CDK11B: variants seen among roughly 807,000 people sequenced by gnomAD.
The protein encoded by CDK11B is cyclin-dependent kinase 11B.
A neutral mutation model predicts 84.0 loss-of-function variants in CDK11B; 37 were observed. The observed-to-expected ratio is 0.44, with a 90% confidence interval of 0.34 to 0.58. The LOEUF (loss-of-function observed/expected upper bound fraction) is 0.58. Among genes scored for constraint, CDK11B ranks in the 20% least tolerant of loss-of-function variants. CDK11B has a pLI of 0.02. For synonymous variants in CDK11B, 269 were observed against 309.8 expected, an observed-to-expected ratio of 0.87 and a Z score of 1.38; for missense variants, 427 against 834.0, an observed-to-expected ratio of 0.51 and a Z score of 6.01.
At chr1:1,639,929 A>C (rs1386426594) in intron 11 of CDK11B, among the ~76,000 whole-genome samples, 1 of 151,672 alleles carries the variant, frequency 6.6e-6, no homozygotes, top group African/African-American at 2.4e-5. Context: ...TGGTGCCTAC[A>C]TAACCCGCCC....
intron 4 of CDK11B, among the ~76,000 whole-genome samples, 199 bp from the exon 5 acceptor site, chr1:1,649,836 G>A (rs1229354040): frequency 8.6e-5 from 13 of 151,652 alleles, no homozygotes; most frequent in Non-Finnish European, 1.5e-4. Flanking sequence ...TTAGCTGGGC[G>A]TGGTGGCAGG....
chr1:1,637,368 C>A, intron 14 of CDK11B, 40 bp downstream of exon 14: 1 of 1,601,848 alleles, frequency 6.2e-7, no homozygotes, highest in South Asian at 1.1e-5. Flanking sequence ...GGACCCTGCC[C>A]CCACTTGTAC....
chr1:1,644,757 C>G (rs1411904244), intron 6 of CDK11B, among the ~76,000 whole-genome samples: 4 of 152,164 alleles, frequency 2.6e-5, no homozygotes, highest in African/African-American at 9.7e-5. Context: ...TTTGGGAGGC[C>G]GAGGTGGGTG....
chr1:1,657,642 T>G, intron 1 of CDK11B, 144 bp from the exon 2 acceptor site: 9 of 675,986 alleles, frequency 1.3e-5, no homozygotes, highest in Non-Finnish European at 2.1e-5. Context: ...CTCAAGACGG[T>G]AACCCTAGCA....
intron 14 of CDK11B, 44 bp from the exon 15 acceptor site, chr1:1,637,246 C>A: frequency 2.5e-6 from 4 of 1,607,056 alleles, no homozygotes; most frequent in Non-Finnish European, 3.4e-6. Context: ...CTGCCCCCAG[C>A]CCAGGGCACT....
intron 2 of CDK11B, among the ~76,000 whole-genome samples, chr1:1,656,357 G>A (rs950696552): frequency 2.2e-4 from 33 of 152,264 alleles, no homozygotes; most frequent in African/African-American, 7.9e-4. Flanking sequence ...CGAGCGTGCT[G>A]GCAGGTGCCT....
Position 1,648,986 on chromosome 1 carries a change from C to G in CDK11B, c.494+513G>C, listed in dbSNP as rs140680447. Among the ~76,000 whole-genome samples, 1,170 of 152,252 alleles carry G rather than the reference C, an allele frequency of 7.7e-3. 15 individuals are homozygous for G. The highest frequency in any genetic ancestry group is 0.026 in the African/African-American group (1,079 of 41,544). Reference sequence around the variant, plus strand: ...TGTCTTCCCTCAATCAAATCACACCCGTTCTTACTTCCAGATGCAGTGAAA... The same window carrying G: ...TGTCTTCCCTCAATCAAATCACACCGGTTCTTACTTCCAGATGCAGTGAAA... On this transcript the variant is annotated intron_variant, in intron 5 of 19. Coordinates refer to ENST00000341832, the MANE Select transcript of CDK11B (RefSeq NM_033486.3).
At chr1:1,649,960 A>C (rs1641688543) in intron 4 of CDK11B, among the ~76,000 whole-genome samples, 1 of 145,330 alleles carries the variant, frequency 6.9e-6, no homozygotes, top group South Asian at 2.2e-4. Context: ...TGGGCAAAAA[A>C]AAAAAAAAAA....
intron 6 of CDK11B, 31 bp from the exon 7 acceptor site, chr1:1,642,539 C>CT: frequency 8.0e-6 from 2 of 249,802 alleles, no homozygotes; most frequent in Non-Finnish European, 1.4e-5. Flanking sequence ...GGAGATGGCA[C>CT]TAGCAGCACT....
chr1:1,639,463 C>T (rs1639917009), intron 11 of CDK11B, among the ~76,000 whole-genome samples: 1 of 151,902 alleles, frequency 6.6e-6, no homozygotes, highest in Admixed American at 6.6e-5. Flanking sequence ...CTGGATGTGT[C>T]CCCTGCTTGT....
chr1:1,646,390 G>C, intron 5 of CDK11B: 1 of 506,696 alleles, frequency 2.0e-6, no homozygotes, highest in South Asian at 1.4e-5. Context: ...GTTGCTCTAG[G>C]GATCACCGTA....
In CDK11B at chr1:1,641,003, C is replaced by T. The variant is rs760291061; in HGVS notation, c.1075+45G>A. ...TGTCTTAGGAGAGGGCTGCTGCACT[C>T]GGAGACAGACAAGGAGGGGGCTCTG... On this transcript the variant is annotated intron_variant, in intron 10 of 19. Coordinates refer to ENST00000341832, the MANE Select transcript of CDK11B (RefSeq NM_033486.3). 63 of 1,588,846 alleles carry T rather than the reference C, an allele frequency of 4.0e-5. 1 individual carries two copies. Among genetic ancestry groups the T allele is most frequent in the South Asian group, 3.2e-4 (28 of 88,248 alleles).
chr1:1,650,397 G>A (rs1222845842), intron 4 of CDK11B, among the ~76,000 whole-genome samples: 87 of 113,272 alleles, frequency 7.7e-4, no homozygotes, highest in African/African-American at 3.1e-3. Flanking sequence ...ATGGAGTCTT[G>A]CTCTGTCGCC....
At chr1:1,656,715 G>A (rs1459763228) in intron 2 of CDK11B, among the ~76,000 whole-genome samples, 15 of 152,028 alleles carry the variant, frequency 9.9e-5, no homozygotes, top group South Asian at 2.1e-4. Flanking sequence ...GCGTGAACCC[G>A]GCCCTGGGCG....
chr1:1,639,260 T>C (rs1015381225), intron 11 of CDK11B, among the ~76,000 whole-genome samples: 5 of 151,534 alleles, frequency 3.3e-5, no homozygotes, highest in Admixed American at 1.3e-4. Flanking sequence ...TTCTACAAAA[T>C]AAAAAAATTA....
Position 1,635,830 on chromosome 1 carries a change from G to C in CDK11B, c.2283C>G (p.Gly761=). The C allele has an allele frequency of 2.9e-6, 1 of 349,806 alleles. No individual in the cohort carries two copies. Among genetic ancestry groups the C allele is most frequent in the South Asian group, 2.4e-5 (1 of 40,890 alleles). 21.7% of individuals were successfully genotyped at this position (349,806 alleles called of 1,614,324 possible). ...CCTGGTTCGTGGTGGTAAGGTGGAA[G>C]CCCGTCTCCTTCAGGTCGTCGTCAC... ...QLGDDDLKET[G]FHLTTTNQGA... Residue 761 remains glycine (G), a synonymous_variant, in exon 20 of 20, where the codon GGC becomes GGG. Coordinates refer to ENST00000341832, the MANE Select transcript of CDK11B (RefSeq NM_033486.3).
intron 3 of CDK11B, among the ~76,000 whole-genome samples, 193 bp downstream of exon 3, chr1:1,655,176 C>A (rs951665624): frequency 9.9e-5 from 15 of 151,266 alleles, no homozygotes; most frequent in Non-Finnish European, 1.5e-4. Flanking sequence ...TCTGGAGGGC[C>A]ACAGACAACA....
At position 1,638,028 on chromosome 1, in the gene CDK11B, C is replaced by A. The variant is rs1639646819; in HGVS notation, c.1343-145G>T. The A allele has an allele frequency of 2.1e-6, 3 of 1,442,422 alleles. No homozygotes were observed. The Admixed American group carries it at 6.3e-5, about 30-fold the overall frequency. 89.4% of individuals were successfully genotyped at this position (1,442,422 alleles called of 1,614,324 possible). ...CTCGTTCTAGGTGGGGGCACGTGGG[C>A]ACCAGGAGAACGCCCCAGCTGAGGT... On this transcript the variant is annotated intron_variant, in intron 12 of 19. Transcript: ENST00000341832.
intron 13 of CDK11B, 104 bp downstream of exon 13, chr1:1,637,658 C>T: frequency 6.2e-7 from 1 of 1,609,110 alleles, no homozygotes; most frequent in Non-Finnish European, 8.5e-7. Context: ...TGAAGGGCTC[C>T]ACTAAGTGCA....
Sources: allele counts gnomAD v4.1 joint callset (sites outside exome capture counted in the v4.1 genomes callset), GRCh38; gene constraint gnomAD v4.1.1; transcripts MANE v1.5; gene names NCBI Gene and HGNC (gene_info 2026-07-23, HGNC 2026-07-21).